The following SCAMP3 variants were observed in gnomAD, a reference collection of about 807,000 sequenced individuals.
SCAMP3 encodes secretory carrier-associated membrane protein 3.
Under a neutral mutation model 44.1 loss-of-function variants are expected in SCAMP3, and 30 were observed. The observed-to-expected ratio is 0.68, with a 90% CI of 0.51 to 0.92. The LOEUF (loss-of-function observed/expected upper bound fraction) is 0.92, where lower values mean the gene tolerates loss of function less well. SCAMP3 is among the 40% of genes least tolerant of loss of function. The probability of loss-of-function intolerance (pLI) is 0.00; values close to 1 mark genes in which losing one functional copy is unlikely to be tolerated. For synonymous variants in SCAMP3, 168 were observed against 171.1 expected, an observed-to-expected ratio of 0.98 and a Z score of 0.14; for missense variants, 394 against 440.0, an observed-to-expected ratio of 0.90 and a Z score of 0.93.
Position 155,262,145 on chromosome 1 carries a change from G to C in SCAMP3, c.7C>G (p.Gln3Glu). 6.2e-7 allele frequency: 1 copy of C among 1,613,650 alleles called. No individual in the cohort carries two copies. Among genetic ancestry groups the C allele is most frequent in the South Asian group, 1.1e-5 (1 of 91,086 alleles). The part of the protein sequence containing the change: MA[Q>E]SRDGGNPFAE... ...AACGGGTTTCCGCCGTCTCTGCTCT[G>C]AGCCATGTTTGCAACTGCGGCCTCC... Residue 3 changes from glutamine (Q) to glutamate (E), a missense_variant, in exon 1 of 9, where the codon CAG becomes GAG. Coordinates refer to ENST00000302631, the MANE Select transcript of SCAMP3 (RefSeq NM_005698.4).
rs1054316428 is a variant in SCAMP3, at chr1:155,260,457, AGT to A, written c.268-9_268-8del. The A allele has an allele frequency of 3.1e-6, 5 of 1,614,008 alleles. No homozygotes were observed. The African/African-American group carries it at 4.0e-5, about 13-fold the overall frequency. On this transcript the variant is annotated splice_polypyrimidine_tract_variant and splice_region_variant and intron_variant, in intron 3 of 8. Coordinates refer to ENST00000302631, the MANE Select transcript of SCAMP3 (RefSeq NM_005698.4). Reference sequence around the variant, plus strand: ...TGGCTGCTGCAGCTGAGGCCTGCCCAGTGTGAGCAGACGGAGATGTGAGCCCT... The same window carrying A: ...TGGCTGCTGCAGCTGAGGCCTGCCCAGTGAGCAGACGGAGATGTGAGCCCT...
Position 155,256,307 on chromosome 1 carries a change from G to C in SCAMP3, c.1010C>G (p.Ala337Gly), listed in dbSNP as rs747925342. The stretch of plus-strand genomic sequence containing the variant: ...CCGGAAGGCATTTTCAGCAGCCCCA[G>C]CGGCTGCATTGGCAGCTGCGGTTCG... ...AVRTAAANAA[A>G]GAAENAFRAP The change falls in exon 9 of 9, where the codon GCT becomes GGT. Residue 337 changes from alanine to glycine, a missense_variant. Ala to Gly is a moderately conservative substitution (Grantham distance 60). Coordinates refer to ENST00000302631, the MANE Select transcript of SCAMP3 (RefSeq NM_005698.4). 1 of 1,596,904 alleles carries C rather than the reference G, an allele frequency of 6.3e-7. No individual in the cohort carries two copies. Among genetic ancestry groups the C allele is most frequent in the Admixed American group, 1.7e-5 (1 of 58,782 alleles).
In SCAMP3 at chr1:155,257,582, C is replaced by T. The variant is rs751866560; in HGVS notation, c.593G>A (p.Gly198Asp). 1.2e-6 allele frequency: 2 copies of T among 1,600,626 alleles called. No homozygotes were observed. Among genetic ancestry groups the T allele is most frequent in the East Asian group, 4.5e-5 (2 of 44,554 alleles). ...GACCCAGAGGATAGAAAGCCCAAAG[C>T]CTGCGCCATTGTTGGTTTCCACACA... Reference protein sequence around the residue: ...SFCVETNNGAGFGLSILWVLL... With the variant: ...SFCVETNNGADFGLSILWVLL... The change falls in exon 6 of 9, where the codon GGC becomes GAC. Residue 198 changes from glycine (G) to aspartate (D), a missense_variant. Physicochemically the swap from Gly to Asp is moderately conservative, Grantham distance 94. Transcript: ENST00000302631.
At chr1:155,261,411 G>A in intron 2 of SCAMP3, 1 of 559,480 alleles carries the variant, frequency 1.8e-6, no homozygotes, top group Admixed American at 3.0e-5. Context: ...CAGAACATTG[G>A]TTAAGGCCTT....
intron 4 of SCAMP3, among the ~76,000 whole-genome samples, chr1:155,259,590 C>T (rs1672902266): frequency 6.6e-6 from 1 of 152,102 alleles, no homozygotes; most frequent in South Asian, 2.1e-4. Context: ...GTCTCTAACT[C>T]CTGAGCTCAA....
intron 2 of SCAMP3, 30 bp downstream of exon 2, chr1:155,261,627 C>T: frequency 2.5e-6 from 4 of 1,603,198 alleles, no homozygotes; most frequent in South Asian, 1.1e-5. Flanking sequence ...CCTTCCCTTC[C>T]TTGAACTCCT....
chr1:155,258,318 C>CTTTTTTTTTTT (rs71996352), intron 5 of SCAMP3, among the ~76,000 whole-genome samples: 3 of 86,510 alleles, frequency 3.5e-5, no homozygotes, highest in Admixed American at 1.5e-4. Flanking sequence ...CGTGCCCGGC[C>CTTTTTTTTTTT]TTTTTTTTTT....
rs779315685 is a variant in SCAMP3 at position 155,256,269 on chromosome 1, G to C, written c.*4C>G. 9 of 1,562,548 alleles carry C rather than the reference G, an allele frequency of 5.8e-6. No individual in the cohort carries two copies. In the East Asian group the frequency reaches 1.8e-4, roughly 32 times the overall value. On this transcript the variant is annotated 3_prime_UTR_variant, in exon 9 of 9. Coordinates refer to ENST00000302631, the MANE Select transcript of SCAMP3 (RefSeq NM_005698.4). ...TAGCAGGGCCAGGGCATCCCAGTCAGGGGTCACGGGGCCCGGAAGGCATTT... is the reference window on the plus strand; with the variant it reads ...TAGCAGGGCCAGGGCATCCCAGTCACGGGTCACGGGGCCCGGAAGGCATTT...
chr1:155,256,595 T>G, intron 8 of SCAMP3, 79 bp downstream of exon 8: 1 of 1,411,564 alleles, frequency 7.1e-7, no homozygotes, highest in Non-Finnish European at 1.0e-6. Flanking sequence ...CCTGTGCCAG[T>G]TGCTCCTGAA....
chr1:155,260,484 T>C (rs2148122315), intron 3 of SCAMP3, 34 bp from the exon 4 acceptor site: 1 of 1,614,196 alleles, frequency 6.2e-7, no homozygotes, highest in Middle Eastern at 1.6e-4. Flanking sequence ...ATGTGAGCCC[T>C]GGGCCCCAGG....
chr1:155,258,998 A>G, intron 4 of SCAMP3, 44 bp from the exon 5 acceptor site: 1 of 1,562,114 alleles, frequency 6.4e-7, no homozygotes, highest in Non-Finnish European at 8.7e-7. Context: ...AGTAAAACAG[A>G]GACCAACAAA....
At chr1:155,257,990 GCC>G (rs1672851570) in intron 5 of SCAMP3, among the ~76,000 whole-genome samples, 1 of 144,772 alleles carries the variant, frequency 6.9e-6, no homozygotes, top group Admixed American at 6.9e-5. Flanking sequence ...GACTACAGGC[GCC>G]CGCCACCACG....
intron 4 of SCAMP3, 90 bp from the exon 5 acceptor site, chr1:155,259,044 C>CTAT: frequency 1.3e-6 from 1 of 759,620 alleles, no homozygotes; most frequent in Non-Finnish European, 1.9e-6. Context: ...CCTGGATCCT[C>CTAT]TCTTTTTTTT....
rs766501045 is a variant in SCAMP3 at position 155,258,848 on chromosome 1, G to A, written c.495C>T (p.Ser165=). Reference sequence around the variant, plus strand: ...CACACATCCAGAGGTAGTACATGGTGGATACAGTCTTCTGAAATTCTTGGG... The same window carrying A: ...CACACATCCAGAGGTAGTACATGGTAGATACAGTCTTCTGAAATTCTTGGG... The part of the protein sequence containing the change: ...EIPQEFQKTV[S]TMYYLWMCST... The change falls in exon 5 of 9, where the codon TCC becomes TCT. Residue 165 remains serine, a synonymous_variant. Coordinates refer to ENST00000302631, the MANE Select transcript of SCAMP3 (RefSeq NM_005698.4). The A allele has an allele frequency of 3.1e-6, 5 of 1,612,334 alleles. No individual in the cohort carries two copies. Among genetic ancestry groups the A allele is most frequent in the African/African-American group, 2.7e-5 (2 of 74,680 alleles).
chr1:155,258,754 C>T, intron 5 of SCAMP3, 72 bp downstream of exon 5: 1 of 1,431,838 alleles, frequency 7.0e-7, no homozygotes, highest in Non-Finnish European at 9.5e-7. Context: ...GTGTTTGGTT[C>T]TTGGTGAGCG....
At chr1:155,257,407 G>A (rs374603420) in intron 6 of SCAMP3, 21 bp from the exon 7 acceptor site, 67 of 1,608,804 alleles carry the variant, frequency 4.2e-5, no homozygotes, top group Non-Finnish European at 5.4e-5. Flanking sequence ...GAAAAAAATG[G>A]GGAGGGTGGG....
chr1:155,256,759 CCCTT>C lies in SCAMP3; in HGVS notation c.808_811del (p.Lys270AlafsTer22). On this transcript the variant is annotated frameshift_variant, in exon 8 of 9. Transcript: ENST00000302631. LOFTEE classifies it high-confidence loss of function. ...CATGAGCACGGATACTGCTGTGTTG[CCCTT>C]CGGCACCACCAGAGCAGAGATCCAG... The C allele has an allele frequency of 1.2e-6, 2 of 1,614,172 alleles. No individual in the cohort carries two copies. The highest frequency in any genetic ancestry group is 1.7e-6 in the Non-Finnish European group (2 of 1,180,002).
At chr1:155,259,042 C>CTA in intron 4 of SCAMP3, 88 bp from the exon 5 acceptor site, 2 of 961,906 alleles carry the variant, frequency 2.1e-6, no homozygotes, top group Non-Finnish European at 2.9e-6. Context: ...TCCCTGGATC[C>CTA]TCTCTTTTTT....
At chr1:155,259,919 CAA>C (rs1159941456) in intron 4 of SCAMP3, among the ~76,000 whole-genome samples, 1 of 151,136 alleles carries the variant, frequency 6.6e-6, no homozygotes, top group Non-Finnish European at 1.5e-5. Context: ...CTCTAAAATT[CAA>C]ACTCAGCAGT....
Sources: gnomAD v4.1 joint callset for allele counts (sites outside exome capture counted in the v4.1 genomes callset) on GRCh38, gnomAD v4.1.1 for gene constraint, MANE v1.5 for transcripts, NCBI Gene and HGNC (gene_info 2026-07-23, HGNC 2026-07-21) for gene names.